The following SLC26A3 variants were observed in gnomAD, a reference collection of about 807,000 sequenced individuals.
SLC26A3 encodes solute carrier family 26 member 3.
A neutral mutation model predicts 85.6 loss-of-function variants in SLC26A3; 64 were observed. That is an observed-to-expected ratio of 0.75 (90% CI 0.61 to 0.92). The LOEUF (loss-of-function observed/expected upper bound fraction) is 0.92. Among genes scored for constraint, SLC26A3 ranks in the 40% least tolerant of loss-of-function variants. The pLI is 0.00. For missense variants in SLC26A3, 922 were observed against 927.3 expected (o/e 0.99, Z 0.07); for synonymous variants, 349 against 336.0 (o/e 1.04, Z -0.42).
chr7:107,790,325 G>A (rs1248487496), intron 5 of SLC26A3, among the ~76,000 whole-genome samples: 1 of 152,162 alleles, frequency 6.6e-6, no homozygotes, highest in African/African-American at 2.4e-5. Flanking sequence ...AGCTGTGGCT[G>A]CCCAAAGCCC....
At chr7:107,793,141 A>G (rs1794430924) in intron 3 of SLC26A3, among the ~76,000 whole-genome samples, 1 of 152,250 alleles carries the variant, frequency 6.6e-6, no homozygotes, top group African/African-American at 2.4e-5. Context: ...GCTAGTGGAA[A>G]TGTAAAATGG....
At chr7:107,776,394 A>G (rs1794115540) in intron 15 of SLC26A3, 58 bp downstream of exon 15, 2 of 1,319,936 alleles carry the variant, frequency 1.5e-6, no homozygotes, top group Non-Finnish European at 2.2e-6. Flanking sequence ...CAGAACAATG[A>G]CATTCCCAGA....
At chr7:107,787,087 C>A (rs114077393) in intron 7 of SLC26A3, among the ~76,000 whole-genome samples, 178 bp from the exon 8 acceptor site, 271 of 152,330 alleles carry the variant, frequency 1.8e-3, no homozygotes, top group African/African-American at 5.9e-3. Context: ...GGATTGAGAA[C>A]CACAGCTAAA....
intron 11 of SLC26A3, 102 bp from the exon 12 acceptor site, chr7:107,779,865 A>G: frequency 1.1e-6 from 1 of 884,524 alleles, no homozygotes; most frequent in Non-Finnish European, 1.8e-6. Flanking sequence ...AAAGGGCCTC[A>G]AAGCAAATCA....
At chr7:107,783,176 G>T in intron 9 of SLC26A3, 29 bp downstream of exon 9, 1 of 1,614,088 alleles carries the variant, frequency 6.2e-7, no homozygotes, top group Non-Finnish European at 8.5e-7. Context: ...AAGTTGCCCA[G>T]TGAGACCCAG....
intron 18 of SLC26A3, among the ~76,000 whole-genome samples, chr7:107,769,111 C>A (rs899932933): frequency 6.6e-6 from 1 of 152,036 alleles, no homozygotes; most frequent in South Asian, 2.1e-4. Flanking sequence ...TATAAGGAAG[C>A]CTTGACAATG....
chr7:107,780,990 T>C (rs1794207031), intron 11 of SLC26A3, among the ~76,000 whole-genome samples: 1 of 152,180 alleles, frequency 6.6e-6, no homozygotes, highest in Admixed American at 6.5e-5. Context: ...ATTCTCTAAG[T>C]ATAAAATATG....
intron 1 of SLC26A3, among the ~76,000 whole-genome samples, chr7:107,796,753 C>G (rs1007325104): frequency 6.8e-6 from 1 of 147,160 alleles, no homozygotes; most frequent in Non-Finnish European, 1.5e-5. Flanking sequence ...AGCTTTAATC[C>G]TTTGAAGGAA....
intron 7 of SLC26A3, 53 bp downstream of exon 7, chr7:107,787,304 A>G: frequency 6.3e-7 from 1 of 1,593,702 alleles, no homozygotes; most frequent in South Asian, 1.1e-5. Context: ...TGAAGGACTT[A>G]CAACATATAA....
chr7:107,767,769 A>G lies in SLC26A3; in HGVS notation c.2202T>C (p.Ser734=). 1 of 1,613,876 alleles carries G rather than the reference A, an allele frequency of 6.2e-7. No individual in the cohort carries two copies. ...AAAGTCACCAAAGAGCTGATACCTGACTGGGATTAAACTTTGAAGTACTGT... is the reference window on the plus strand; with the variant it reads ...AAAGTCACCAAAGAGCTGATACCTGGCTGGGATTAAACTTTGAAGTACTGT... ...KDYSTSKFNP[S]QEKDGKIDFT... The change falls in exon 19 of 21, where the codon AGT becomes AGC. Residue 734 remains serine, a synonymous_variant. Transcript: ENST00000340010.
At chr7:107,801,664 T>C (rs2115916120) in intron 1 of SLC26A3, among the ~76,000 whole-genome samples, 1 of 152,312 alleles carries the variant, frequency 6.6e-6, no homozygotes, top group African/African-American at 2.4e-5. Flanking sequence ...TATTAAACAT[T>C]TGTTCATTTC....
chr7:107,776,412 A>T, intron 15 of SLC26A3, 40 bp downstream of exon 15: 1 of 1,449,690 alleles, frequency 6.9e-7, no homozygotes, highest in Non-Finnish European at 9.7e-7. Flanking sequence ...AGAATTCAGT[A>T]AGATTACAAG....
Position 107,794,497 on chromosome 7 carries a change from A to G in SLC26A3, c.13T>C (p.Phe5Leu), listed in dbSNP as rs763684294. 37 of 1,614,042 alleles carry G rather than the reference A, an allele frequency of 2.3e-5. No individual in the cohort carries two copies. Among genetic ancestry groups the G allele is most frequent in the Non-Finnish European group, 2.7e-5 (32 of 1,179,904 alleles). MIEPFGNQYIVARPV... is the reference protein window; with the variant it reads MIEPLGNQYIVARPV... The stretch of plus-strand genomic sequence containing the variant: ...CTGGCCACAATATACTGATTCCCAA[A>G]GGGTTCAATCATTTTGATTTTTCTG... The change falls in exon 2 of 21, where the codon TTT becomes CTT. Residue 5 changes from phenylalanine to leucine, a missense_variant. Phe to Leu is a conservative substitution (Grantham distance 22, BLOSUM62 0). Coordinates refer to ENST00000340010, the MANE Select transcript of SLC26A3 (RefSeq NM_000111.3).
intron 8 of SLC26A3, among the ~76,000 whole-genome samples, chr7:107,783,910 T>C (rs762973563): frequency 3.8e-4 from 58 of 152,332 alleles, no homozygotes; most frequent in South Asian, 8.3e-4. Context: ...GATTTCTCTT[T>C]AAGGTGATAT....
intron 1 of SLC26A3, among the ~76,000 whole-genome samples, chr7:107,799,379 C>T (rs749176905): frequency 2.0e-5 from 3 of 151,930 alleles, no homozygotes; most frequent in Non-Finnish European, 4.4e-5. Context: ...CATCAATTTT[C>T]TTTTCTTTTC....
chr7:107,782,658 C>T, intron 11 of SLC26A3, 139 bp downstream of exon 11: 2 of 861,408 alleles, frequency 2.3e-6, no homozygotes, highest in Non-Finnish European at 3.9e-6. Flanking sequence ...TTGGCTCATA[C>T]AGAGTATTGG....
Position 107,787,386 on chromosome 7 carries a change from G to A in SLC26A3, c.859C>T (p.Pro287Ser), listed in dbSNP as rs1471525731. The A allele has an allele frequency of 7.4e-6, 12 of 1,614,108 alleles. No homozygotes were observed. Among genetic ancestry groups the A allele is most frequent in the Non-Finnish European group, 1.0e-5 (12 of 1,179,998 alleles). The part of the protein sequence containing the change: ...EINQRFKDKL[P>S]VPIPIEFIMT... ...ATGAATTCGATTGGAATGGGCACTGGAAGTTTGTCTTTGAAGCGCTGATTT... is the reference window on the plus strand; with the variant it reads ...ATGAATTCGATTGGAATGGGCACTGAAAGTTTGTCTTTGAAGCGCTGATTT... The change falls in exon 7 of 21, where the codon CCA (proline) becomes TCA (serine). Residue 287 changes from proline (P) to serine (S), a missense_variant. Coordinates refer to ENST00000340010, the MANE Select transcript of SLC26A3 (RefSeq NM_000111.3).
chr7:107,779,836 A>C (rs1222675947), intron 11 of SLC26A3, 73 bp from the exon 12 acceptor site: 1 of 1,263,608 alleles, frequency 7.9e-7, no homozygotes, highest in Non-Finnish European at 1.1e-6. Context: ...GGTGAAGGCT[A>C]TAGATAAGTG....
chr7:107,769,873 C>G (rs1191462629), intron 18 of SLC26A3, among the ~76,000 whole-genome samples: 1 of 152,130 alleles, frequency 6.6e-6, no homozygotes, highest in Non-Finnish European at 1.5e-5. Context: ...AAAGCTCCCC[C>G]TAAGTACTGT....
Sources: gnomAD v4.1 joint callset for allele counts (sites outside exome capture counted in the v4.1 genomes callset) on GRCh38, gnomAD v4.1.1 for gene constraint, MANE v1.5 for transcripts, NCBI Gene and HGNC (gene_info 2026-07-23, HGNC 2026-07-21) for gene names.